PTAR1: variants seen among roughly 807,000 people sequenced by gnomAD.
The protein encoded by PTAR1 is protein prenyltransferase alpha subunit repeat-containing protein 1.
In PTAR1, 17 loss-of-function variants were observed where a neutral mutation model predicts 45.5. The observed-to-expected ratio is 0.37, with a 90% confidence interval of 0.26 to 0.56. The LOEUF (loss-of-function observed/expected upper bound fraction) is 0.56, where lower values mean the gene tolerates loss of function less well. PTAR1 is among the 20% of genes least tolerant of loss of function. PTAR1 has a pLI of 0.77. For missense variants in PTAR1, 391 were observed against 476.3 expected, an observed-to-expected ratio of 0.82 and a Z score of 1.67; for synonymous variants, 169 against 171.3, an observed-to-expected ratio of 0.99 and a Z score of 0.11.
rs1258407305 is a variant in PTAR1, at chr9:69,711,829, T to C, written c.*6513A>G. Reference sequence around the variant, plus strand: ...AAGCCTCATAAATCATGTCAAATGATATAATTTCAAAATTCCACACATATA... The same window carrying C: ...AAGCCTCATAAATCATGTCAAATGACATAATTTCAAAATTCCACACATATA... On this transcript the variant is annotated 3_prime_UTR_variant, in exon 8 of 8. Transcript: ENST00000340434. 1 of 152,178 alleles carries C rather than the reference T, an allele frequency of 6.6e-6. No homozygotes were observed. The highest frequency in any genetic ancestry group is 1.5e-5 in the Non-Finnish European group (1 of 68,032). The allele number at this position is 152,178 out of a possible 1,614,324, so 9.4% of individuals were successfully genotyped here.
At position 69,713,597 on chromosome 9, in the gene PTAR1, G is replaced by C. The variant is rs991057135; in HGVS notation, c.*4745C>G. Reference sequence around the variant, plus strand: ...ACTATATTACATTATGCCTGAATTTGAGAGGGAAGGAAGGTCCTAAAGTAA... The same window carrying C: ...ACTATATTACATTATGCCTGAATTTCAGAGGGAAGGAAGGTCCTAAAGTAA... On this transcript the variant is annotated 3_prime_UTR_variant, in exon 8 of 8. Coordinates refer to ENST00000340434, the MANE Select transcript of PTAR1 (RefSeq NM_001099666.2). The C allele has an allele frequency of 1.3e-5, 2 of 152,024 alleles. No individual in the cohort carries two copies. The highest frequency in any genetic ancestry group is 6.6e-5 in the Admixed American group (1 of 15,230). 9.4% of individuals were successfully genotyped at this position (152,024 alleles called of 1,614,324 possible).
In PTAR1 at chr9:69,756,797, A is replaced by T. The variant is rs1588493076; in HGVS notation, c.86+3056T>A. ...TGCTCCTATCCAACTTTTACTATAAACTACTTTGGAGGGTTAATTTACTGT... is the reference window on the plus strand; with the variant it reads ...TGCTCCTATCCAACTTTTACTATAATCTACTTTGGAGGGTTAATTTACTGT... On this transcript the variant is annotated intron_variant, in intron 1 of 7. Coordinates refer to ENST00000340434, the MANE Select transcript of PTAR1 (RefSeq NM_001099666.2). Among the ~76,000 whole-genome samples the T allele has an allele frequency of 2.6e-5, 4 of 152,096 alleles. No homozygotes were observed. The East Asian group carries it at 7.7e-4, about 29-fold the overall frequency.
At chr9:69,730,555 C>G (rs768355977) in intron 5 of PTAR1, among the ~76,000 whole-genome samples, 1 of 150,066 alleles carries the variant, frequency 6.7e-6, no homozygotes, top group Non-Finnish European at 1.5e-5. Context: ...TGACAACCCA[C>G]CAAACAACTT....
Position 69,713,118 on chromosome 9 carries a change from T to C in PTAR1, c.*5224A>G, listed in dbSNP as rs1289452386. On this transcript the variant is annotated 3_prime_UTR_variant, in exon 8 of 8. Transcript: ENST00000340434. ...GTTAGCTTTCTGGACAATAGAATCA[T>C]CCAGAAAGCACAAATTATATATAGC... 2 of 152,082 alleles carry C rather than the reference T, an allele frequency of 1.3e-5. No homozygotes were observed. The highest frequency in any genetic ancestry group is 2.9e-5 in the Non-Finnish European group (2 of 67,990). The allele number at this position is 152,082 out of a possible 1,614,324, so 9.4% of individuals were successfully genotyped here.
At chr9:69,725,589 C>T (rs1825236021) in intron 5 of PTAR1, among the ~76,000 whole-genome samples, 1 of 121,304 alleles carries the variant, frequency 8.2e-6, no homozygotes, top group African/African-American at 2.8e-5. Context: ...GACTCCATCT[C>T]AAAAAAGAAA....
chr9:69,751,534 G>T (rs766836826), intron 1 of PTAR1, among the ~76,000 whole-genome samples: 1 of 151,894 alleles, frequency 6.6e-6, no homozygotes, highest in South Asian at 2.1e-4. Context: ...AAATTTTCTT[G>T]GAAGGATAAC....
At chr9:69,721,164 T>C (rs1036964247) in intron 6 of PTAR1, among the ~76,000 whole-genome samples, 59 of 152,324 alleles carry the variant, frequency 3.9e-4, no homozygotes, top group African/African-American at 1.2e-3. Flanking sequence ...AGAACGTTTG[T>C]GATTCATGGG....
intron 1 of PTAR1, chr9:69,758,747 C>A: frequency 2.9e-6 from 1 of 350,778 alleles, no homozygotes; most frequent in Non-Finnish European, 6.0e-6. Flanking sequence ...CGTTTGGCAA[C>A]TTTTTTAGGC....
At chr9:69,751,097 C>CTA in intron 1 of PTAR1, 147 bp from the exon 2 acceptor site, 1 of 624,692 alleles carries the variant, frequency 1.6e-6, no homozygotes, top group Non-Finnish European at 2.7e-6. Flanking sequence ...TTGGTAGATG[C>CTA]TAATAGTGGC....
Position 69,760,011 on chromosome 9 carries a change from C to T in PTAR1, c.-73G>A, listed in dbSNP as rs1349703860. On this transcript the variant is annotated 5_prime_UTR_variant, in exon 1 of 8. Coordinates refer to ENST00000340434, the MANE Select transcript of PTAR1 (RefSeq NM_001099666.2). ...CCGCCGGCGGGAGTTCCGCGGAGAA[C>T]GAGCGCGCGCGCGCGCGCGCGGGTG... 6 of 1,232,934 alleles carry T rather than the reference C, an allele frequency of 4.9e-6. No individual in the cohort carries two copies. In the African/African-American group the frequency reaches 9.8e-5, roughly 20 times the overall value. The allele number at this position is 1,232,934 out of a possible 1,614,324, so 76.4% of individuals were successfully genotyped here.
intron 1 of PTAR1, chr9:69,757,775 C>T (rs1020184493): frequency 6.7e-6 from 1 of 149,016 alleles, no homozygotes; most frequent in East Asian, 2.0e-4. Context: ...AAAAGAAACA[C>T]AGCCTCTTTA....
chr9:69,711,657 T>C lies in PTAR1; in HGVS notation c.*6685A>G, dbSNP rs1244301214. The stretch of plus-strand genomic sequence containing the variant: ...AAGACTACAGCAGTTCTCTCTAGAG[T>C]TCAGCCAGCTGCTTATTAAGACATT... On this transcript the variant is annotated 3_prime_UTR_variant, in exon 8 of 8. Coordinates refer to ENST00000340434, the MANE Select transcript of PTAR1 (RefSeq NM_001099666.2). 2 of 152,136 alleles carry C rather than the reference T, an allele frequency of 1.3e-5. No homozygotes were observed. Among genetic ancestry groups the C allele is most frequent in the Non-Finnish European group, 2.9e-5 (2 of 67,998 alleles). The allele number at this position is 152,136 out of a possible 1,614,324, so 9.4% of individuals were successfully genotyped here.
In PTAR1 at chr9:69,734,129, T is replaced by A; in HGVS notation, c.428+21A>T. ...CAGTCTGAATCCTAAGTAAGAGTAC[T>A]ATGTTGTAAATTAACCACACCTGTG... On this transcript the variant is annotated intron_variant, in intron 4 of 7. Transcript: ENST00000340434. 2.4e-6 allele frequency: 3 copies of A among 1,271,266 alleles called. 1 individual carries two copies. In the South Asian group the frequency reaches 3.6e-5, roughly 15 times the overall value. 78.7% of individuals were successfully genotyped at this position (1,271,266 alleles called of 1,614,324 possible).
chr9:69,744,986 C>T (rs1376394714), intron 2 of PTAR1, among the ~76,000 whole-genome samples: 1 of 152,162 alleles, frequency 6.6e-6, no homozygotes, highest in South Asian at 2.1e-4. Context: ...TTACTACCTA[C>T]ATAACCTAAC....
intron 5 of PTAR1, among the ~76,000 whole-genome samples, chr9:69,731,628 C>T (rs1378198002): frequency 6.6e-6 from 1 of 152,186 alleles, no homozygotes; most frequent in Non-Finnish European, 1.5e-5. Flanking sequence ...GATCCACCCT[C>T]ATTCTGCTTT....
At chr9:69,718,627 G>T (rs1164170317) in intron 7 of PTAR1, 23 bp downstream of exon 7, 1 of 1,611,058 alleles carries the variant, frequency 6.2e-7, no homozygotes, top group Admixed American at 1.7e-5. Flanking sequence ...GTGACAACTG[G>T]GTCATGCTGT....
intron 3 of PTAR1, among the ~76,000 whole-genome samples, chr9:69,734,671 G>A (rs989844223): frequency 6.6e-6 from 1 of 151,948 alleles, no homozygotes; most frequent in African/African-American, 2.4e-5. Flanking sequence ...ACTTGACATG[G>A]TCTATTTCAT....
intron 1 of PTAR1, among the ~76,000 whole-genome samples, chr9:69,754,734 T>G (rs1416631989): frequency 1.5e-5 from 2 of 136,444 alleles, no homozygotes; most frequent in Non-Finnish European, 3.2e-5. Context: ...TTTTTTTTTT[T>G]GGTAGAGATG....
chr9:69,756,472 A>C (rs1826781531), intron 1 of PTAR1, among the ~76,000 whole-genome samples: 1 of 152,210 alleles, frequency 6.6e-6, no homozygotes, highest in Non-Finnish European at 1.5e-5. Context: ...GTATACCCAG[A>C]GACCAGCATT....
Sources: allele counts gnomAD v4.1 joint callset (sites outside exome capture counted in the v4.1 genomes callset), GRCh38; gene constraint gnomAD v4.1.1; transcripts MANE v1.5; gene names NCBI Gene and HGNC (gene_info 2026-07-23, HGNC 2026-07-21).